ATE1: variants seen among roughly 807,000 people sequenced by gnomAD.
The protein encoded by ATE1 is arginyl-tRNA--protein transferase 1.
ATE1 carries 36 observed loss-of-function variants against 70.5 expected under a neutral mutation model. The observed-to-expected ratio is 0.51, with a 90% CI of 0.39 to 0.67. The LOEUF is 0.67. Among genes scored for constraint, ATE1 ranks in the 30% least tolerant of loss-of-function variants. The pLI, the probability that ATE1 is intolerant of heterozygous loss-of-function variation, is 0.00. For synonymous variants in ATE1, 232 were observed against 219.3 expected (o/e 1.06, Z -0.51); for missense variants, 593 against 629.5 (o/e 0.94, Z 0.62).
At chr10:121,892,742 T>A (rs1950624058) in intron 7 of ATE1, among the ~76,000 whole-genome samples, 1 of 152,024 alleles carries the variant, frequency 6.6e-6, no homozygotes, top group Non-Finnish European at 1.5e-5. Flanking sequence ...CTCGAACTCC[T>A]GACCTCAGGT....
intron 7 of ATE1, among the ~76,000 whole-genome samples, chr10:121,877,281 G>A (rs1169449457): frequency 6.6e-6 from 1 of 152,082 alleles, no homozygotes; most frequent in Non-Finnish European, 1.5e-5. Flanking sequence ...TTACAAGTAT[G>A]TTTAAGAGAA....
chr10:121,867,411 C>G (rs1468820192), intron 8 of ATE1, among the ~76,000 whole-genome samples: 2 of 152,128 alleles, frequency 1.3e-5, no homozygotes, highest in African/African-American at 4.8e-5. Flanking sequence ...TGCTAAAAAC[C>G]CTTATTCCTG....
intron 10 of ATE1, among the ~76,000 whole-genome samples, chr10:121,835,866 A>G (rs917976504): frequency 1.3e-5 from 2 of 152,150 alleles, no homozygotes; most frequent in Non-Finnish European, 2.9e-5. Flanking sequence ...ACAGGGGTTC[A>G]ATTACACTTT....
At chr10:121,751,365 A>C (rs894058237) in intron 11 of ATE1, among the ~76,000 whole-genome samples, 1 of 152,222 alleles carries the variant, frequency 6.6e-6, no homozygotes, top group African/African-American at 2.4e-5. Context: ...ATCTATTAGC[A>C]GTCAACATAC....
intron 1 of ATE1, chr10:121,927,449 C>T: frequency 7.1e-6 from 7 of 985,316 alleles, no homozygotes; most frequent in Non-Finnish European, 8.4e-6. Context: ...CCCACAGCTC[C>T]CTCTGCACCG....
At chr10:121,776,351 A>T (rs202201644) in intron 11 of ATE1, among the ~76,000 whole-genome samples, 4 of 140,406 alleles carry the variant, frequency 2.8e-5, no homozygotes, top group Admixed American at 1.5e-4. Flanking sequence ...CCTATCTCTA[A>T]TCAGTCATTG....
intron 10 of ATE1, among the ~76,000 whole-genome samples, chr10:121,803,057 T>G (rs555199760): frequency 3.5e-4 from 53 of 152,352 alleles, no homozygotes; most frequent in South Asian, 2.5e-3. Context: ...ATTCTAGAAC[T>G]TAATACAATC....
intron 7 of ATE1, among the ~76,000 whole-genome samples, chr10:121,877,970 C>G (rs1950107876): frequency 6.6e-6 from 1 of 152,220 alleles, no homozygotes; most frequent in Non-Finnish European, 1.5e-5. Context: ...CAGGCAAAAG[C>G]TGTCAACACA....
intron 5 of ATE1, among the ~76,000 whole-genome samples, chr10:121,903,124 C>T (rs1377345630): frequency 2.6e-5 from 4 of 152,048 alleles, no homozygotes; most frequent in Non-Finnish European, 4.4e-5. Flanking sequence ...CTCCTGACCT[C>T]GTGATTCACC....
At chr10:121,823,087 G>A (rs751392014) in intron 10 of ATE1, among the ~76,000 whole-genome samples, 6 of 151,998 alleles carry the variant, frequency 3.9e-5, no homozygotes, top group African/African-American at 1.2e-4. Context: ...TCAGGAGATC[G>A]AGACCATCCT....
At chr10:121,852,217 A>G (rs946188567) in intron 8 of ATE1, among the ~76,000 whole-genome samples, 1 of 152,222 alleles carries the variant, frequency 6.6e-6, no homozygotes, top group African/African-American at 2.4e-5. Flanking sequence ...CTTCTCTTCC[A>G]AAGCAGCTGA....
At chr10:121,759,821 G>A (rs148134452) in intron 11 of ATE1, among the ~76,000 whole-genome samples, 1,577 of 152,222 alleles carry the variant, frequency 0.01, 11 homozygotes, top group African/African-American at 0.027. Context: ...CATCAAGAAG[G>A]TGGCTACACT....
chr10:121,834,255 T>A lies in ATE1; in HGVS notation c.1257+2463A>T, dbSNP rs1027921718. 2.1e-4 allele frequency among the ~76,000 whole-genome samples: 32 copies of A among 152,172 alleles called. 1 individual carries two copies. The highest frequency in any genetic ancestry group is 1.5e-3 in the Admixed American group (23 of 15,262). On this transcript the variant is annotated intron_variant, in intron 10 of 11. Transcript: ENST00000224652. ...ACACAGCACTCATCCCTATCTGACA[T>A]CTGTCTTCTTGATTACTGTTAGTGA...
At chr10:121,825,122 C>T (rs1016441840) in intron 10 of ATE1, among the ~76,000 whole-genome samples, 10 of 151,576 alleles carry the variant, frequency 6.6e-5, no homozygotes, top group Non-Finnish European at 1.3e-4. Context: ...CCACCTTCCA[C>T]TTTAATTTAA....
chr10:121,927,049 G>A, intron 1 of ATE1: 1 of 985,348 alleles, frequency 1.0e-6, no homozygotes, highest in Non-Finnish European at 1.2e-6. Context: ...TTTCCACAAA[G>A]CTAGACTGTT....
chr10:121,754,571 A>G (rs1209214832), intron 11 of ATE1, among the ~76,000 whole-genome samples: 2 of 152,222 alleles, frequency 1.3e-5, no homozygotes, highest in African/African-American at 4.8e-5. Flanking sequence ...CTTATTGTAG[A>G]ATGCCAACTA....
At chr10:121,826,367 G>A (rs12776335) in intron 10 of ATE1, among the ~76,000 whole-genome samples, 25,712 of 152,090 alleles carry the variant, frequency 0.17, 2,821 homozygotes, top group South Asian at 0.24. Flanking sequence ...GTGCAGTGGC[G>A]CAATCTCGGC....
chr10:121,778,495 G>A (rs750739585), intron 11 of ATE1, among the ~76,000 whole-genome samples: 5 of 150,866 alleles, frequency 3.3e-5, no homozygotes, highest in Admixed American at 6.6e-5. Flanking sequence ...GAAAAGGATC[G>A]TCATTCAGGA....
At chr10:121,874,349 T>C (rs1175889763) in intron 7 of ATE1, among the ~76,000 whole-genome samples, 3 of 152,200 alleles carry the variant, frequency 2.0e-5, no homozygotes, top group Non-Finnish European at 4.4e-5. Flanking sequence ...CTCTGATAAA[T>C]CTACAACTCT....
Sources: allele counts gnomAD v4.1 joint callset (sites outside exome capture counted in the v4.1 genomes callset), GRCh38; gene constraint gnomAD v4.1.1; transcripts MANE v1.5; gene names NCBI Gene and HGNC (gene_info 2026-07-23, HGNC 2026-07-21).